Variants in NADSYN1 observed in about 807,000 individuals in gnomAD.
NADSYN1 encodes the protein NAD synthetase 1, also known as glutamine-dependent NAD(+) synthetase.
In NADSYN1, 80 loss-of-function variants were observed where a neutral mutation model predicts 99.3. That is an observed-to-expected ratio of 0.81 (90% CI 0.67 to 0.97). The LOEUF (loss-of-function observed/expected upper bound fraction) is 0.97, where lower values mean the gene tolerates loss of function less well. Ranked by LOEUF, NADSYN1 falls within the 50% of genes least tolerant of loss-of-function variation. The pLI, the probability that NADSYN1 is intolerant of heterozygous loss-of-function variation, is 0.00. For missense variants in NADSYN1, 859 were observed against 948.5 expected (o/e 0.91, Z 1.24); for synonymous variants, 385 against 372.1 (o/e 1.03, Z -0.40).
At chr11:71,478,584 G>A in intron 10 of NADSYN1, 115 bp downstream of exon 10, 1 of 933,536 alleles carries the variant, frequency 1.1e-6, no homozygotes, top group South Asian at 1.4e-5. Flanking sequence ...AGTCTGACAG[G>A]GAAGTTCCGG....
At chr11:71,468,846 A>G (rs754383921) in intron 5 of NADSYN1, among the ~76,000 whole-genome samples, 6 of 152,268 alleles carry the variant, frequency 3.9e-5, no homozygotes, top group Admixed American at 1.3e-4. Context: ...ACATTCAGTC[A>G]GAACATGTAA....
At chr11:71,454,431 C>T (rs1178547051) in intron 1 of NADSYN1, among the ~76,000 whole-genome samples, 3 of 152,234 alleles carry the variant, frequency 2.0e-5, no homozygotes, top group Non-Finnish European at 2.9e-5. Flanking sequence ...ATGCTGGCCT[C>T]GAACTCCTGA....
At chr11:71,461,737 A>C (rs2040323) in intron 3 of NADSYN1, among the ~76,000 whole-genome samples, 91,236 of 152,066 alleles carry the variant, frequency 0.6, 29,189 homozygotes, top group Non-Finnish European at 0.74. Flanking sequence ...GCTACACACT[A>C]TTAAAACGAC....
intron 17 of NADSYN1, 67 bp from the exon 18 acceptor site, chr11:71,491,767 A>T: frequency 7.0e-7 from 1 of 1,433,340 alleles, no homozygotes; most frequent in Non-Finnish European, 9.8e-7. Context: ...TAGTCTGGGG[A>T]TTCTCTCCCA....
chr11:71,498,410 C>G lies in NADSYN1; in HGVS notation c.1952C>G (p.Thr651Ser), dbSNP rs1206255039. Reference protein sequence around the residue: ...SKYSMNRHKMTTLTPAYHAEN... With the variant: ...SKYSMNRHKMSTLTPAYHAEN... The stretch of plus-strand genomic sequence containing the variant: ...TACTCCATGAACAGACACAAGATGA[C>G]CACGCTCACACCCGCGTACCACGCC... The change falls in exon 20 of 21, where the codon ACC becomes AGC. Residue 651 changes from threonine (T) to serine (S), a missense_variant. Transcript: ENST00000319023. The G allele has an allele frequency of 6.2e-7, 1 of 1,614,098 alleles. No homozygotes were observed. Among genetic ancestry groups the G allele is most frequent in the Non-Finnish European group, 8.5e-7 (1 of 1,180,048 alleles).
At chr11:71,495,977 C>T (rs1308951357) in intron 18 of NADSYN1, among the ~76,000 whole-genome samples, 4 of 152,136 alleles carry the variant, frequency 2.6e-5, no homozygotes, top group South Asian at 2.1e-4. Flanking sequence ...TGTTGCCTGG[C>T]GCTGTGATAG....
At chr11:71,478,249 A>G in intron 9 of NADSYN1, 146 bp from the exon 10 acceptor site, 1 of 667,766 alleles carries the variant, frequency 1.5e-6, no homozygotes, top group South Asian at 1.7e-5. Flanking sequence ...CCTCAATGTC[A>G]TCTGCCCCAT....
At chr11:71,466,248 C>T (rs1344141682) in intron 5 of NADSYN1, among the ~76,000 whole-genome samples, 1 of 152,138 alleles carries the variant, frequency 6.6e-6, no homozygotes, top group East Asian at 1.9e-4. Flanking sequence ...AAAAAAGCGC[C>T]ATCTTTTGAT....
At chr11:71,486,702 A>G (rs1949745192) in intron 16 of NADSYN1, among the ~76,000 whole-genome samples, 1 of 139,230 alleles carries the variant, frequency 7.2e-6, no homozygotes, top group Non-Finnish European at 1.5e-5. Context: ...CCATCCATCC[A>G]CCCATCTCTC....
At chr11:71,466,307 T>C (rs1949589049) in intron 5 of NADSYN1, among the ~76,000 whole-genome samples, 1 of 152,212 alleles carries the variant, frequency 6.6e-6, no homozygotes, top group East Asian at 1.9e-4. Flanking sequence ...TCACTTAACA[T>C]GCCCCCATCC....
chr11:71,487,304 G>A (rs1276826514), intron 16 of NADSYN1, among the ~76,000 whole-genome samples: 1 of 152,100 alleles, frequency 6.6e-6, no homozygotes, highest in African/African-American at 2.4e-5. Context: ...GTGACGGCTG[G>A]TGTATATTCT....
chr11:71,472,547 T>G (rs752473382), intron 6 of NADSYN1, 47 bp downstream of exon 6: 7 of 1,558,324 alleles, frequency 4.5e-6, no homozygotes, highest in Non-Finnish European at 6.2e-6. Flanking sequence ...TTGTCGCTGT[T>G]CTCGGCCAAC....
intron 5 of NADSYN1, among the ~76,000 whole-genome samples, chr11:71,470,795 G>A (rs1336523595): frequency 6.6e-6 from 1 of 152,156 alleles, no homozygotes; most frequent in Non-Finnish European, 1.5e-5. Context: ...TTTTGCTTCT[G>A]TTCTGTTCTT....
chr11:71,464,312 C>G (rs1429926165), intron 5 of NADSYN1, 170 bp downstream of exon 5: 10 of 592,382 alleles, frequency 1.7e-5, no homozygotes, highest in Middle Eastern at 4.6e-4. Context: ...AATGAAGCAA[C>G]CAAAGGAGAG....
At chr11:71,485,491 C>G in intron 15 of NADSYN1, 51 bp from the exon 16 acceptor site, 4 of 1,401,428 alleles carry the variant, frequency 2.9e-6, no homozygotes, top group Non-Finnish European at 3.9e-6. Flanking sequence ...GTGCGTCTCC[C>G]CCGTGTTCCT....
At chr11:71,460,140 C>G (rs1225012038) in intron 3 of NADSYN1, 4 of 152,322 alleles carry the variant, frequency 2.6e-5, no homozygotes, top group African/African-American at 9.7e-5. Context: ...GGGACCCTTG[C>G]TGGCTGGCCC....
chr11:71,479,385 C>T (rs773448247), intron 10 of NADSYN1: 8 of 151,972 alleles, frequency 5.3e-5, no homozygotes, highest in Non-Finnish European at 8.8e-5. Context: ...CGTGAACTAC[C>T]GTGCCCAGCC....
intron 12 of NADSYN1, 130 bp from the exon 13 acceptor site, chr11:71,481,793 A>T (rs1949709625): frequency 1.4e-6 from 1 of 719,328 alleles, no homozygotes; most frequent in Non-Finnish European, 2.3e-6. Flanking sequence ...TCCTGACCCC[A>T]TGGAAAGTGC....
intron 4 of NADSYN1, 28 bp from the exon 5 acceptor site, chr11:71,464,025 G>A (rs761123762): frequency 6.3e-7 from 1 of 1,577,276 alleles, no homozygotes; most frequent in Admixed American, 1.7e-5. Flanking sequence ...GGAGCCCGGT[G>A]TGCACAGCCC....
Sources: allele counts gnomAD v4.1 joint callset (sites outside exome capture counted in the v4.1 genomes callset), GRCh38; gene constraint gnomAD v4.1.1; transcripts MANE v1.5; gene names NCBI Gene and HGNC (gene_info 2026-07-23, HGNC 2026-07-21).